PSMA3: variants seen among roughly 807,000 people sequenced by gnomAD.
The protein encoded by PSMA3 is proteasome subunit alpha type-3.
In PSMA3, 8 loss-of-function variants were observed where a neutral mutation model predicts 40.0. That is an observed-to-expected ratio of 0.20 (90% CI 0.12 to 0.36). The LOEUF (loss-of-function observed/expected upper bound fraction) is 0.36, where lower values mean the gene tolerates loss of function less well. Ranked by LOEUF, PSMA3 falls within the 10% of genes least tolerant of loss-of-function variation. The pLI is 1.00. For synonymous variants in PSMA3, 110 were observed against 100.0 expected, an observed-to-expected ratio of 1.10 and a Z score of -0.59; for missense variants, 219 against 310.6, an observed-to-expected ratio of 0.70 and a Z score of 2.22.
At chr14:58,246,556 G>A (rs968449508) in intron 1 of PSMA3, among the ~76,000 whole-genome samples, 40 of 151,926 alleles carry the variant, frequency 2.6e-4, no homozygotes, top group African/African-American at 9.7e-4. Flanking sequence ...GCACCACCAC[G>A]CCCAGCTAAT....
At chr14:58,266,638 T>G (rs887423823) in intron 7 of PSMA3, 1 of 152,254 alleles carries the variant, frequency 6.6e-6, no homozygotes, top group African/African-American at 2.4e-5. Context: ...TTCCCACTTC[T>G]GCTTTACACG....
intron 2 of PSMA3, among the ~76,000 whole-genome samples, chr14:58,251,146 CTG>C (rs895030043): frequency 2.6e-5 from 4 of 152,120 alleles, no homozygotes; most frequent in Non-Finnish European, 1.5e-5. Context: ...TACCAGAAAA[CTG>C]TACAATCAAG....
At chr14:58,271,255 C>CAA (rs35375876) in intron 10 of PSMA3, among the ~76,000 whole-genome samples, 203 of 138,422 alleles carry the variant, frequency 1.5e-3, no homozygotes, top group Middle Eastern at 7.5e-3. Flanking sequence ...GCCTTGGTTC[C>CAA]AAAAAAAAAA....
At chr14:58,263,326 T>C (rs1890335913) in intron 6 of PSMA3, among the ~76,000 whole-genome samples, 1 of 152,098 alleles carries the variant, frequency 6.6e-6, no homozygotes, top group Non-Finnish European at 1.5e-5. Flanking sequence ...ATAATAAAAT[T>C]GGGGGTTTAG....
intron 6 of PSMA3, among the ~76,000 whole-genome samples, chr14:58,261,521 AT>A (rs1245466123): frequency 6.6e-6 from 1 of 151,854 alleles, no homozygotes; most frequent in Non-Finnish European, 1.5e-5. Flanking sequence ...CAGAGGAAAG[AT>A]TTTTTTTCAG....
At position 58,262,395 on chromosome 14, in the gene PSMA3, G is replaced by A. The variant is rs371300195; in HGVS notation, c.478-1310G>A. Among the ~76,000 whole-genome samples, 122 of 152,080 alleles carry A rather than the reference G, an allele frequency of 8.0e-4. 1 individual carries two copies. Among genetic ancestry groups the A allele is most frequent in the African/African-American group, 2.7e-3 (110 of 41,496 alleles). ...TAATTTTTGTATTTTCAGTAGAGACGAGGTTTCACCATGTTAGCCAGGCTG... is the reference window on the plus strand; with the variant it reads ...TAATTTTTGTATTTTCAGTAGAGACAAGGTTTCACCATGTTAGCCAGGCTG... On this transcript the variant is annotated intron_variant, in intron 6 of 10. Coordinates refer to ENST00000216455, the MANE Select transcript of PSMA3 (RefSeq NM_002788.4).
chr14:58,254,141 A>C (rs748641357), intron 3 of PSMA3, among the ~76,000 whole-genome samples: 1 of 150,838 alleles, frequency 6.6e-6, no homozygotes. Context: ...CACTTATAAG[A>C]GAGAACATGT....
chr14:58,265,077 A>G lies in PSMA3; in HGVS notation c.543+1307A>G, dbSNP rs189001817. The G allele has an allele frequency of 3.9e-5, 6 of 152,210 alleles. No individual in the cohort carries two copies. In the East Asian group the frequency reaches 1.2e-3, roughly 29 times the overall value. 9.4% of individuals were successfully genotyped at this position (152,210 alleles called of 1,614,324 possible). A position where few individuals can be genotyped will look rare whatever the true frequency, so the allele number is the denominator to read the frequency against. Reference sequence around the variant, plus strand: ...GTAGTTCCAAGACCAGGCTGGGCAAAAGAGTAAGACCCTATCTCCCAAAAC... The same window carrying G: ...GTAGTTCCAAGACCAGGCTGGGCAAGAGAGTAAGACCCTATCTCCCAAAAC... On this transcript the variant is annotated intron_variant, in intron 7 of 10. Transcript: ENST00000216455.
At chr14:58,266,680 T>G (rs1318701972) in intron 7 of PSMA3, 1 of 152,234 alleles carries the variant, frequency 6.6e-6, no homozygotes, top group Non-Finnish European at 1.5e-5. Context: ...TCCAATCCAA[T>G]CTATATTCTA....
At position 58,271,963 on chromosome 14, in the gene PSMA3, T is replaced by C. The variant is rs1258900157; in HGVS notation, c.*68T>C. 5 of 1,127,474 alleles carry C rather than the reference T, an allele frequency of 4.4e-6. No homozygotes were observed. The highest frequency in any genetic ancestry group is 6.6e-6 in the Non-Finnish European group (5 of 760,406). 69.8% of individuals were successfully genotyped at this position (1,127,474 alleles called of 1,614,324 possible). On this transcript the variant is annotated 3_prime_UTR_variant, in exon 11 of 11. Coordinates refer to ENST00000216455, the MANE Select transcript of PSMA3 (RefSeq NM_002788.4). ...TCCAATGTAACTATTTAGCCCTGGA[T>C]TATACATACTGTCCAATTTTCATTA... is the stretch of plus-strand genomic sequence containing the variant.
chr14:58,271,817 A>G, intron 10 of PSMA3, 34 bp from the exon 11 acceptor site: 1 of 1,547,666 alleles, frequency 6.5e-7, no homozygotes, highest in Non-Finnish European at 8.9e-7. Flanking sequence ...ACAATTTTAA[A>G]AATCAATTTT....
At chr14:58,268,092 T>C (rs1890499157) in intron 8 of PSMA3, 1 of 152,216 alleles carries the variant, frequency 6.6e-6, no homozygotes, top group African/African-American at 2.4e-5. Context: ...ACTATTAATA[T>C]GTAACAGGTA....
chr14:58,249,202 C>T (rs982416604), intron 2 of PSMA3, among the ~76,000 whole-genome samples: 64 of 152,068 alleles, frequency 4.2e-4, no homozygotes, highest in Non-Finnish European at 5.3e-4. Context: ...TCAGGTGATC[C>T]GCCTGCCTCA....
At chr14:58,256,401 T>C (rs528754421) in intron 3 of PSMA3, among the ~76,000 whole-genome samples, 1 of 151,796 alleles carries the variant, frequency 6.6e-6, no homozygotes, top group African/African-American at 2.4e-5. Flanking sequence ...TCCAAAAAGC[T>C]CTACTGAGCA....
intron 2 of PSMA3, 73 bp from the exon 3 acceptor site, chr14:58,252,046 T>G: frequency 6.7e-7 from 1 of 1,489,996 alleles, no homozygotes; most frequent in East Asian, 2.3e-5. Context: ...TATTTTGTTT[T>G]TTTGTTAAAC....
At chr14:58,247,947 T>C (rs1889915604) in intron 2 of PSMA3, 115 bp downstream of exon 2, 1 of 648,984 alleles carries the variant, frequency 1.5e-6, no homozygotes, top group Non-Finnish European at 2.6e-6. Flanking sequence ...AATCTCAATT[T>C]ATTCATTTCC....
intron 3 of PSMA3, 131 bp from the exon 4 acceptor site, chr14:58,257,614 C>G: frequency 2.9e-6 from 2 of 693,184 alleles, no homozygotes; most frequent in South Asian, 3.9e-5. Context: ...TGTAGAGAGA[C>G]CTTTAAGCCA....
At chr14:58,270,192 T>C (rs970419631) in intron 8 of PSMA3, 16 of 555,014 alleles carry the variant, frequency 2.9e-5, no homozygotes, top group Non-Finnish European at 4.3e-5. Context: ...GAACTTGGGT[T>C]GATTAGGTAT....
chr14:58,247,243 C>G (rs1390527798), intron 1 of PSMA3, among the ~76,000 whole-genome samples: 2 of 152,208 alleles, frequency 1.3e-5, no homozygotes, highest in Non-Finnish European at 2.9e-5. Context: ...ATCTTAGTGC[C>G]TTTTCTGATT....
Sources: gnomAD v4.1 joint callset for allele counts (sites outside exome capture counted in the v4.1 genomes callset) on GRCh38, gnomAD v4.1.1 for gene constraint, MANE v1.5 for transcripts, NCBI Gene and HGNC (gene_info 2026-07-23, HGNC 2026-07-21) for gene names.